SCUBE1: variants seen among roughly 807,000 people sequenced by gnomAD.
SCUBE1 encodes signal peptide, CUB domain and EGF like domain containing 1.
In SCUBE1, 59 loss-of-function variants were observed where a neutral mutation model predicts 124.4. The ratio of observed to expected loss-of-function variants is 0.47; its 90% CI spans 0.38 to 0.59. SCUBE1 has a LOEUF of 0.59. Ranked by LOEUF, SCUBE1 falls within the 20% of genes least tolerant of loss-of-function variation. SCUBE1 has a pLI of 0.00. For missense variants in SCUBE1, 1,150 were observed against 1,371.2 expected, an observed-to-expected ratio of 0.84 and a Z score of 2.55; for synonymous variants, 545 against 550.9, an observed-to-expected ratio of 0.99 and a Z score of 0.15.
Position 43,227,596 on chromosome 22 carries a change from C to T in SCUBE1, c.1085-100G>A, listed in dbSNP as rs1922376942. On this transcript the variant is annotated intron_variant, in intron 9 of 21. Transcript: ENST00000360835. ...GCAAGAGGGCAAGAATCTCCTGACC[C>T]CACCGAGTCGGACAGCATCACGGGA... 4.1e-6 allele frequency: 6 copies of T among 1,471,096 alleles called. No individual in the cohort carries two copies. The East Asian group carries it at 1.2e-4, about 28-fold the overall frequency. 91.1% of individuals were successfully genotyped at this position (1,471,096 alleles called of 1,614,324 possible). A position where few individuals can be genotyped will look rare whatever the true frequency, so the allele number is the denominator to read the frequency against.
chr22:43,272,402 C>A (rs936102933), intron 4 of SCUBE1: 2 of 152,224 alleles, frequency 1.3e-5, no homozygotes, highest in African/African-American at 4.8e-5. Context: ...TGGGTGTGCA[C>A]AGGCCTTGGC....
At chr22:43,218,142 C>T (rs1352158463) in intron 15 of SCUBE1, 113 bp downstream of exon 15, 1 of 1,010,172 alleles carries the variant, frequency 9.9e-7, no homozygotes, top group Admixed American at 1.8e-5. Context: ...CTCTGCATCT[C>T]TCTGTCCCCT....
At chr22:43,312,579 C>T (rs922659871) in intron 3 of SCUBE1, among the ~76,000 whole-genome samples, 6 of 152,042 alleles carry the variant, frequency 3.9e-5, no homozygotes, top group South Asian at 4.2e-4. Flanking sequence ...CGGAGGGCTC[C>T]GTACAGTTGG....
Position 43,343,185 on chromosome 22 carries a change from C to T in SCUBE1, c.77G>A (p.Ser26Asn), listed in dbSNP as rs536530206. The change falls in exon 1 of 22, where the codon AGC becomes AAC. Residue 26 changes from serine to asparagine, a missense_variant. Physicochemically the swap from Ser to Asn is conservative, Grantham distance 46 (BLOSUM62 1). This residue lies in a region of SCUBE1 where 56 missense variants were observed against 48.1 expected (regional missense o/e 1.16). Coordinates refer to ENST00000360835, the MANE Select transcript of SCUBE1 (RefSeq NM_173050.5). Reference protein sequence around the residue: ...LGTRGRLAGGSGLPGSVDVDE... With the variant: ...LGTRGRLAGGNGLPGSVDVDE... Reference sequence around the variant, plus strand: ...GGTCGGGGGCTTACCTGGGAGCCCGCTGCCCCCGGCCAGCCGCCCGCGTGT... The same window carrying T: ...GGTCGGGGGCTTACCTGGGAGCCCGTTGCCCCCGGCCAGCCGCCCGCGTGT... 66 of 1,183,020 alleles carry T rather than the reference C, an allele frequency of 5.6e-5. 2 individuals are homozygous for T. In the East Asian group the frequency reaches 2.5e-3, roughly 46 times the overall value. The allele number at this position is 1,183,020 out of a possible 1,614,324, so 73.3% of individuals were successfully genotyped here. A position where few individuals can be genotyped will look rare whatever the true frequency, so the allele number is the denominator to read the frequency against.
At chr22:43,260,741 G>A (rs1456750654) in intron 5 of SCUBE1, among the ~76,000 whole-genome samples, 1 of 152,212 alleles carries the variant, frequency 6.6e-6, no homozygotes, top group Non-Finnish European at 1.5e-5. Flanking sequence ...CCACGGAGAG[G>A]GTGGGACTGC....
At chr22:43,281,540 T>TCCTGTCACCTCCCTTCTCAGC (rs1924893514) in intron 4 of SCUBE1, among the ~76,000 whole-genome samples, 1 of 40,744 alleles carries the variant, frequency 2.5e-5, no homozygotes, top group Non-Finnish European at 4.2e-5. Context: ...CCTCCCTCAG[T>TCCTGTCACCTCCCTTCTCAGC]CACCCTCCTG....
intron 4 of SCUBE1, among the ~76,000 whole-genome samples, chr22:43,268,016 AC>A (rs1302194392): frequency 2.0e-5 from 3 of 151,642 alleles, no homozygotes; most frequent in Admixed American, 6.6e-5. Flanking sequence ...CTGTGACTCT[AC>A]CCCCTCTGCT....
intron 4 of SCUBE1, among the ~76,000 whole-genome samples, chr22:43,278,239 C>T (rs1210380773): frequency 6.6e-6 from 1 of 152,270 alleles, no homozygotes; most frequent in Non-Finnish European, 1.5e-5. Context: ...GCTGTTTATT[C>T]TCCTGTCCAC....
Position 43,220,090 on chromosome 22 carries a change from A to T in SCUBE1, c.1687+360T>A, listed in dbSNP as rs143747955. Among the ~76,000 whole-genome samples the T allele has an allele frequency of 9.1e-3, 1,379 of 152,310 alleles. 26 individuals carry two copies. Among genetic ancestry groups the T allele is most frequent in the African/African-American group, 0.031 (1,307 of 41,566 alleles). ...CCGAGCCAGCATTAGAACCTCCTTC[A>T]GGAACCAGGAAAGACAATCCTTGGC... On this transcript the variant is annotated intron_variant, in intron 14 of 21. Coordinates refer to ENST00000360835, the MANE Select transcript of SCUBE1 (RefSeq NM_173050.5).
At chr22:43,273,796 C>T (rs560649463) in intron 4 of SCUBE1, among the ~76,000 whole-genome samples, 1 of 152,126 alleles carries the variant, frequency 6.6e-6, no homozygotes, top group Non-Finnish European at 1.5e-5. Flanking sequence ...TGGTTTCGAA[C>T]TCCTGGGCTC....
chr22:43,208,324 G>A (rs1315933299), intron 19 of SCUBE1, 100 bp from the exon 20 acceptor site: 10 of 1,102,938 alleles, frequency 9.1e-6, no homozygotes, highest in Admixed American at 3.9e-5. Flanking sequence ...CACCTGCACC[G>A]AACGCCTGGT....
intron 2 of SCUBE1, among the ~76,000 whole-genome samples, chr22:43,334,014 T>C (rs141607743): frequency 4.6e-4 from 70 of 152,306 alleles, no homozygotes; most frequent in African/African-American, 1.6e-3. Flanking sequence ...TTTATTCTTA[T>C]CACAGCAAAG....
chr22:43,302,861 C>G (rs182459407), intron 3 of SCUBE1, among the ~76,000 whole-genome samples: 2 of 152,230 alleles, frequency 1.3e-5, no homozygotes, highest in Non-Finnish European at 2.9e-5. Flanking sequence ...AACGCTCCCA[C>G]GGGACGCTTA....
intron 5 of SCUBE1, among the ~76,000 whole-genome samples, chr22:43,261,743 A>G (rs1923878402): frequency 6.6e-6 from 1 of 152,236 alleles, no homozygotes; most frequent in African/African-American, 2.4e-5. Context: ...ATTTTTCTGC[A>G]TTAGAATGTG....
rs1412288120 is a variant in SCUBE1 at position 43,202,202 on chromosome 22, C to G, written c.*1795G>C. The stretch of plus-strand genomic sequence containing the variant: ...TCTTTTGGACTGTAGAATATGTGAT[C>G]ACGGCCTACCTCGTCACCAAGCCCT... On this transcript the variant is annotated 3_prime_UTR_variant, in exon 22 of 22. Transcript: ENST00000360835. The G allele has an allele frequency of 6.6e-6, 1 of 152,236 alleles. No homozygotes were observed. Among genetic ancestry groups the G allele is most frequent in the Non-Finnish European group, 1.5e-5 (1 of 68,060 alleles). The allele number at this position is 152,236 out of a possible 1,614,324, so 9.4% of individuals were successfully genotyped here. A position where few individuals can be genotyped will look rare whatever the true frequency, so the allele number is the denominator to read the frequency against.
At chr22:43,274,620 T>C (rs141960288) in intron 4 of SCUBE1, among the ~76,000 whole-genome samples, 144 of 152,212 alleles carry the variant, frequency 9.5e-4, no homozygotes, top group Non-Finnish European at 1.7e-3. Flanking sequence ...CCAAAAGTGT[T>C]CCCACAGCAG....
intron 6 of SCUBE1, among the ~76,000 whole-genome samples, chr22:43,256,013 G>A (rs1389020323): frequency 1.3e-5 from 2 of 152,186 alleles, no homozygotes; most frequent in Admixed American, 1.3e-4. Flanking sequence ...ACAAGGCACA[G>A]GACAAGGGGA....
rs571464980 is a variant in SCUBE1 at position 43,300,731 on chromosome 22, T to C, written c.350-9551A>G. On this transcript the variant is annotated intron_variant, in intron 3 of 21. Coordinates refer to ENST00000360835, the MANE Select transcript of SCUBE1 (RefSeq NM_173050.5). ...CAGCACTAGGTACTCAGGAGTTCAG[T>C]GCAGGTCAGTGGGGCCTGGGCTTCT... Among the ~76,000 whole-genome samples, 7 of 152,238 alleles carry C rather than the reference T, an allele frequency of 4.6e-5. No homozygotes were observed. In the South Asian group the frequency reaches 1.4e-3, roughly 32 times the overall value.
chr22:43,257,590 G>T (rs1923708268), intron 6 of SCUBE1, among the ~76,000 whole-genome samples: 1 of 152,196 alleles, frequency 6.6e-6, no homozygotes, highest in Non-Finnish European at 1.5e-5. Context: ...GCGGCGGGAA[G>T]AGCGGACTTC....
Sources: gnomAD v4.1 joint callset for allele counts (sites outside exome capture counted in the v4.1 genomes callset) on GRCh38, gnomAD v4.1.1 for gene constraint, gnomAD v4.1.1 regional missense constraint, MANE v1.5 for transcripts, NCBI Gene and HGNC (gene_info 2026-07-23, HGNC 2026-07-21) for gene names.